Variants in PWWP2A observed in about 807,000 individuals in gnomAD.
PWWP2A encodes PWWP domain-containing protein 2A.
Under a neutral mutation model 48.5 loss-of-function variants are expected in PWWP2A, and 18 were observed. The observed-to-expected ratio is 0.37, with a 90% CI of 0.26 to 0.55. The LOEUF (loss-of-function observed/expected upper bound fraction) is 0.55. Ranked by LOEUF, PWWP2A falls within the 20% of genes least tolerant of loss-of-function variation. PWWP2A has a pLI of 0.81. For missense variants in PWWP2A, 867 were observed against 976.4 expected (o/e 0.89, Z 1.49); for synonymous variants, 396 against 387.7 (o/e 1.02, Z -0.25).
the PWWP2A span, among the ~76,000 whole-genome samples, chr5:160,052,122 G>A: frequency 6.6e-5 from 10 of 152,188 alleles, no homozygotes; most frequent in Admixed American, 1.3e-4. Context: ...CTGTAAAGAC[G>A]GCTGCTTCCG....
intron 1 of PWWP2A, chr5:160,116,788 T>C: frequency 1.0e-6 from 1 of 985,378 alleles, no homozygotes; most frequent in Non-Finnish European, 1.2e-6. Context: ...AGAGTGTCTC[T>C]TACTATTATA....
intron 1 of PWWP2A, among the ~76,000 whole-genome samples, chr5:160,102,436 G>A (rs1167807702): frequency 1.3e-5 from 2 of 150,082 alleles, no homozygotes; most frequent in Non-Finnish European, 3.0e-5. Context: ...GCCAGGCATG[G>A]TGGCTCAAGC....
chr5:160,063,313 C>T (rs1035762690), intron 5 of PWWP2A, among the ~76,000 whole-genome samples: 3 of 152,102 alleles, frequency 2.0e-5, no homozygotes, highest in Non-Finnish European at 4.4e-5. Flanking sequence ...ACTCCTTGGG[C>T]TCAAGCAATC....
chr5:160,119,382 C>T lies in PWWP2A; in HGVS notation c.7G>A (p.Ala3Thr). The change falls in exon 1 of 2, where the codon GCC (alanine) becomes ACC (threonine). Residue 3 changes from alanine (A) to threonine (T), a missense_variant. By Grantham distance (58) the Ala-to-Thr change is moderately conservative (BLOSUM62 0). This residue lies in a region of PWWP2A where 385 missense variants were observed against 396.9 expected (regional missense o/e 0.97). Coordinates refer to ENST00000307063, the MANE Select transcript of PWWP2A (RefSeq NM_001130864.2). ...GTCGCTGCCGCCTCTGCAGCCACGG[C>T]CGCCATTTTCTTCCTAGCTTCTCCC... MA[A>T]VAAEAAATAA... 7.3e-7 allele frequency: 1 copy of T among 1,366,990 alleles called. No homozygotes were observed. The highest frequency in any genetic ancestry group is 1.5e-5 in the African/African-American group (1 of 65,318). The allele number at this position is 1,366,990 out of a possible 1,614,324, so 84.7% of individuals were successfully genotyped here.
At position 160,118,951 on chromosome 5, in the gene PWWP2A, C is replaced by A; in HGVS notation, c.438G>T (p.Pro146=). The A allele has an allele frequency of 6.3e-7, 1 of 1,599,268 alleles. No individual in the cohort carries two copies. The highest frequency in any genetic ancestry group is 8.5e-7 in the Non-Finnish European group (1 of 1,174,264). ...PQPVAPALVP[P]AGGDSTVSQL... ...GCGACACCGTGGAGTCCCCGCCCGC[C>A]GGCGGCACGAGCGCCGGGGCTACGG... The change falls in exon 1 of 2, where the codon CCG becomes CCT. Residue 146 remains proline, a synonymous_variant. Coordinates refer to ENST00000307063, the MANE Select transcript of PWWP2A (RefSeq NM_001130864.2).
chr5:160,113,269 T>A (rs1198384988), intron 1 of PWWP2A: 1 of 980,950 alleles, frequency 1.0e-6, no homozygotes, highest in Non-Finnish European at 1.2e-6. Context: ...CAGCTCCTTT[T>A]TTTTCACAGA....
intron 3 of PWWP2A, among the ~76,000 whole-genome samples, chr5:160,079,647 G>A (rs1364745244): frequency 6.6e-6 from 1 of 152,116 alleles, no homozygotes; most frequent in East Asian, 1.9e-4. Context: ...TTCTATTTAT[G>A]ACTCAATATT....
Position 160,100,231 on chromosome 5 carries a change from A to G in PWWP2A, c.585-6166T>C, listed in dbSNP as rs541578343. Among the ~76,000 whole-genome samples the G allele has an allele frequency of 4.6e-5, 7 of 152,150 alleles. No homozygotes were observed. In the South Asian group the frequency reaches 1.5e-3, roughly 32 times the overall value. On this transcript the variant is annotated intron_variant, in intron 1 of 1. Transcript: ENST00000307063. ...CAGGAGAACGGTTTAAGCCTGGGAGACGGTGGCTGCAGTGAGTCAAAATAT... is the reference window on the plus strand; with the variant it reads ...CAGGAGAACGGTTTAAGCCTGGGAGGCGGTGGCTGCAGTGAGTCAAAATAT...
At chr5:160,061,818 T>G (rs1365816506) in exon 6 of PWWP2A, 1 of 152,162 alleles carries the variant, frequency 6.6e-6, no homozygotes, top group Non-Finnish European at 1.5e-5. Flanking sequence ...TACAAGAGAT[T>G]TACTGGGGGA....
At chr5:160,118,015 C>CA (rs1317146614) in intron 1 of PWWP2A, 9 of 370,644 alleles carry the variant, frequency 2.4e-5, no homozygotes, top group Non-Finnish European at 3.4e-5. Flanking sequence ...CATTTTAAAT[C>CA]AAAAAATGAA....
At position 160,118,885 on chromosome 5, in the gene PWWP2A, G is replaced by A. The variant is rs1352790822; in HGVS notation, c.504C>T (p.His168=). The A allele has an allele frequency of 1.3e-6, 2 of 1,598,708 alleles. No individual in the cohort carries two copies. The highest frequency in any genetic ancestry group is 3.4e-5 in the Admixed American group (2 of 58,460). The change falls in exon 1 of 2, where the codon CAC becomes CAT. Residue 168 remains histidine (H), a synonymous_variant. Transcript: ENST00000307063. ...PGSEVRVTLD[H]IIEDALVVSF... Reference sequence around the variant, plus strand: ...ACACGACAAGCGCGTCCTCAATGATGTGGTCCAGCGTGACCCGCACCTCCG... The same window carrying A: ...ACACGACAAGCGCGTCCTCAATGATATGGTCCAGCGTGACCCGCACCTCCG...
chr5:160,062,078 G>A (rs1581131082), exon 6 of PWWP2A: 1 of 152,252 alleles, frequency 6.6e-6, no homozygotes, highest in African/African-American at 2.4e-5. Flanking sequence ...ATTTTAGAGT[G>A]CAGCCACTCT....
chr5:160,103,377 T>C (rs1386462705), intron 1 of PWWP2A, among the ~76,000 whole-genome samples: 1 of 152,092 alleles, frequency 6.6e-6, no homozygotes, highest in Admixed American at 6.6e-5. Context: ...TAAGCATAAG[T>C]CTATATGAAA....
chr5:160,090,438 T>C, downstream of PWWP2A: 2 of 981,438 alleles, frequency 2.0e-6, no homozygotes, highest in Non-Finnish European at 2.4e-6. Flanking sequence ...TCTTTTAGGA[T>C]AGTTCCTTAT....
At chr5:160,047,261 C>T in the PWWP2A span, among the ~76,000 whole-genome samples, 1 of 152,174 alleles carries the variant, frequency 6.6e-6, no homozygotes, top group Non-Finnish European at 1.5e-5. Flanking sequence ...CCCCCACACA[C>T]ACACAAAACT....
chr5:160,069,365 C>T (rs568152253), intron 2 of PWWP2A, among the ~76,000 whole-genome samples: 1 of 152,126 alleles, frequency 6.6e-6, no homozygotes, highest in Non-Finnish European at 1.5e-5. Flanking sequence ...TTGGTATCAC[C>T]GAATCAAGGT....
chr5:160,111,411 G>T (rs1337052394), intron 1 of PWWP2A, among the ~76,000 whole-genome samples: 2 of 151,952 alleles, frequency 1.3e-5, no homozygotes, highest in Non-Finnish European at 2.9e-5. Context: ...CAGGTGATCT[G>T]CCCACCTCGG....
At chr5:160,112,989 T>C (rs1757746826) in intron 1 of PWWP2A, among the ~76,000 whole-genome samples, 1 of 152,096 alleles carries the variant, frequency 6.6e-6, no homozygotes, top group South Asian at 2.1e-4. Context: ...AAACACTGTC[T>C]CTACTAAAAA....
intron 1 of PWWP2A, among the ~76,000 whole-genome samples, chr5:160,108,316 G>A (rs1757108553): frequency 6.6e-6 from 1 of 152,168 alleles, no homozygotes; most frequent in South Asian, 2.1e-4. Flanking sequence ...AACACATACT[G>A]CACAGTAGTG....
Sources: allele counts gnomAD v4.1 joint callset (sites outside exome capture counted in the v4.1 genomes callset), GRCh38; gene constraint gnomAD v4.1.1; regional missense constraint gnomAD v4.1.1; transcripts MANE v1.5; gene names NCBI Gene and HGNC (gene_info 2026-07-23, HGNC 2026-07-21).